The following BBS9 variants were observed in gnomAD, a reference collection of about 807,000 sequenced individuals.
BBS9 encodes Bardet-Biedl syndrome 9, also known as protein PTHB1.
In BBS9, 89 loss-of-function variants were observed where a neutral mutation model predicts 117.7. The observed-to-expected ratio is 0.76, with a 90% CI of 0.64 to 0.90. The LOEUF (loss-of-function observed/expected upper bound fraction) is 0.90, where lower values mean the gene tolerates loss of function less well. Among genes scored for constraint, BBS9 ranks in the 40% least tolerant of loss-of-function variants. The pLI is 0.00. For missense variants in BBS9, 982 were observed against 1,042.2 expected (o/e 0.94, Z 0.80); for synonymous variants, 379 against 370.9 (o/e 1.02, Z -0.25).
intron 9 of BBS9, among the ~76,000 whole-genome samples, chr7:33,316,627 G>A (rs553968820): frequency 2.0e-5 from 3 of 152,086 alleles, no homozygotes; most frequent in Non-Finnish European, 4.4e-5. Flanking sequence ...ATTTTAATTA[G>A]CATTTCCCTG....
intron 21 of BBS9, among the ~76,000 whole-genome samples, chr7:33,544,496 G>T (rs1477801151): frequency 1.3e-5 from 2 of 152,142 alleles, no homozygotes; most frequent in East Asian, 3.9e-4. Flanking sequence ...AGTCTACCTG[G>T]CTCCGGGCTG....
intron 19 of BBS9, among the ~76,000 whole-genome samples, chr7:33,481,776 G>A (rs1842542212): frequency 6.6e-6 from 1 of 152,122 alleles, no homozygotes; most frequent in Admixed American, 6.5e-5. Context: ...CTCTTGTTTG[G>A]AGTGGAGAGG....
intron 6 of BBS9, among the ~76,000 whole-genome samples, chr7:33,260,064 A>G (rs1277651057): frequency 3.4e-5 from 5 of 145,910 alleles, no homozygotes; most frequent in African/African-American, 1.3e-4. Flanking sequence ...CAGTGGCGCG[A>G]TTTTGGCTCA....
intron 2 of BBS9, among the ~76,000 whole-genome samples, chr7:33,152,363 A>G (rs1234397167): frequency 6.6e-6 from 1 of 152,156 alleles, no homozygotes; most frequent in Non-Finnish European, 1.5e-5. Context: ...GGCCTCTATG[A>G]TGGAATCAGT....
intron 19 of BBS9, among the ~76,000 whole-genome samples, chr7:33,403,466 TC>T (rs1255846245): frequency 3.9e-5 from 3 of 77,186 alleles, no homozygotes; most frequent in Non-Finnish European, 4.9e-5. Context: ...CCCTCCCCCC[TC>T]CCCCCACCCC....
At chr7:33,563,997 T>C (rs1856489378) in intron 21 of BBS9, among the ~76,000 whole-genome samples, 1 of 151,558 alleles carries the variant, frequency 6.6e-6, no homozygotes, top group African/African-American at 2.4e-5. Flanking sequence ...TCATTTTAGC[T>C]TTGAAAGATT....
At chr7:33,172,136 T>G (rs1421326643) in intron 4 of BBS9, among the ~76,000 whole-genome samples, 1 of 151,992 alleles carries the variant, frequency 6.6e-6, no homozygotes, top group Non-Finnish European at 1.5e-5. Flanking sequence ...ATCCCAGCAC[T>G]TTGGGAGGCC....
intron 1 of BBS9, among the ~76,000 whole-genome samples, chr7:33,133,844 G>A (rs1338923265): frequency 6.6e-6 from 1 of 152,126 alleles, no homozygotes; most frequent in African/African-American, 2.4e-5. Flanking sequence ...GGGTCATATG[G>A]TAATTCTGTG....
intron 13 of BBS9, among the ~76,000 whole-genome samples, chr7:33,350,921 T>C (rs1350709650): frequency 6.6e-6 from 1 of 152,326 alleles, no homozygotes; most frequent in Non-Finnish European, 1.5e-5. Context: ...CTTGAACTTC[T>C]GGCCTCACGT....
chr7:33,317,854 C>G (rs566650972), intron 9 of BBS9, among the ~76,000 whole-genome samples: 1 of 152,296 alleles, frequency 6.6e-6, no homozygotes, highest in Admixed American at 6.5e-5. Flanking sequence ...GAACTTAAGA[C>G]CAGTTTGGCC....
intron 19 of BBS9, among the ~76,000 whole-genome samples, chr7:33,403,379 T>C (rs1215062622): frequency 6.6e-6 from 1 of 151,278 alleles, no homozygotes; most frequent in Non-Finnish European, 1.5e-5. Flanking sequence ...GTTAGTTACA[T>C]ATGTATACAT....
intron 19 of BBS9, among the ~76,000 whole-genome samples, chr7:33,475,822 A>C (rs1244133579): frequency 6.6e-6 from 1 of 152,178 alleles, no homozygotes. Context: ...TGGACAGGCA[A>C]CCAGCAGTGT....
intron 5 of BBS9, among the ~76,000 whole-genome samples, chr7:33,231,932 G>A (rs1257030376): frequency 2.0e-5 from 3 of 152,012 alleles, no homozygotes; most frequent in Non-Finnish European, 4.4e-5. Context: ...GATGCCAGTA[G>A]TACCCCTCTG....
At chr7:33,390,414 C>T (rs78449122) in intron 19 of BBS9, 63,529 of 984,810 alleles carry the variant, frequency 0.065, 2,101 homozygotes, top group African/African-American at 0.079. Context: ...ACAGACAAGA[C>T]GATCAAAACC....
Position 33,574,710 on chromosome 7 carries a change from C to T in BBS9, c.2522-30155C>T, listed in dbSNP as rs945886812. ...ACACACACACACACACACACACACA[C>T]ACACACACACACACACGCGCACACA... is the stretch of plus-strand genomic sequence containing the variant. On this transcript the variant is annotated intron_variant, in intron 21 of 22. Transcript: ENST00000242067. Among the ~76,000 whole-genome samples, 154 of 147,108 alleles carry T rather than the reference C, an allele frequency of 1.0e-3. 2 individuals are homozygous for T. The East Asian group carries it at 0.028, about 26-fold the overall frequency.
intron 16 of BBS9, among the ~76,000 whole-genome samples, chr7:33,367,292 A>AT (rs1366892829): frequency 6.6e-6 from 1 of 152,100 alleles, no homozygotes; most frequent in African/African-American, 2.4e-5. Context: ...ATTTGTTTTT[A>AT]TTTTGTTTTT....
intron 5 of BBS9, among the ~76,000 whole-genome samples, chr7:33,203,489 C>T (rs577232669): frequency 2.0e-5 from 3 of 152,208 alleles, no homozygotes; most frequent in South Asian, 4.2e-4. Context: ...CTTTTCTGGG[C>T]TTACTAAAAG....
At chr7:33,185,563 T>G (rs2128181045) in intron 5 of BBS9, among the ~76,000 whole-genome samples, 1 of 152,324 alleles carries the variant, frequency 6.6e-6, no homozygotes, top group African/African-American at 2.4e-5. Flanking sequence ...GTACATTTCA[T>G]AAGAAAGCCC....
intron 21 of BBS9, among the ~76,000 whole-genome samples, chr7:33,576,905 A>G (rs1223865853): frequency 6.6e-6 from 1 of 152,204 alleles, no homozygotes; most frequent in Non-Finnish European, 1.5e-5. Flanking sequence ...AAATTAATTC[A>G]AGAGGGATTA....
Sources: allele counts gnomAD v4.1 joint callset (sites outside exome capture counted in the v4.1 genomes callset), GRCh38; gene constraint gnomAD v4.1.1; transcripts MANE v1.5; gene names NCBI Gene and HGNC (gene_info 2026-07-23, HGNC 2026-07-21).